The following CCDC92B variants were observed in gnomAD, a reference collection of about 807,000 sequenced individuals.
CCDC92B encodes the protein coiled-coil domain-containing 92B.
CCDC92B carries 2 observed loss-of-function variants against 5.6 expected under a neutral mutation model. The observed-to-expected ratio is 0.36, with a 90% CI of 0.15 to 1.12. The LOEUF (loss-of-function observed/expected upper bound fraction) is 1.12. CCDC92B is among the 50% of genes most tolerant of loss of function. The pLI, the probability that CCDC92B is intolerant of heterozygous loss-of-function variation, is 0.40. For missense variants in CCDC92B, 271 were observed against 262.2 expected (o/e 1.03, Z -0.23); for synonymous variants, 115 against 122.3 (o/e 0.94, Z 0.39).
intron 3 of CCDC92B, among the ~76,000 whole-genome samples, chr17:2,726,857 C>T (rs918721977): frequency 1.2e-4 from 18 of 152,054 alleles, no homozygotes; most frequent in African/African-American, 4.3e-4. Context: ...TTGTGATCCA[C>T]CCGCCTCGGA....
chr17:2,738,602 T>C (rs556070458), intron 1 of CCDC92B, among the ~76,000 whole-genome samples: 1 of 146,718 alleles, frequency 6.8e-6, no homozygotes, highest in African/African-American at 2.5e-5. Context: ...CTACTAAAAA[T>C]ATAAAAAATT....
chr17:2,731,197 C>T (rs2151739477), intron 2 of CCDC92B, among the ~76,000 whole-genome samples: 1 of 152,278 alleles, frequency 6.6e-6, no homozygotes, highest in South Asian at 2.1e-4. Flanking sequence ...CTCAAGGGCA[C>T]TGGTGCAGGA....
chr17:2,725,591 C>G (rs1257791470), intron 3 of CCDC92B, among the ~76,000 whole-genome samples: 2 of 151,658 alleles, frequency 1.3e-5, no homozygotes, highest in African/African-American at 2.4e-5. Context: ...ATTCATTCCA[C>G]AGAGAATTTG....
intron 2 of CCDC92B, among the ~76,000 whole-genome samples, chr17:2,732,164 A>T (rs904309663): frequency 2.6e-5 from 4 of 152,180 alleles, no homozygotes; most frequent in Non-Finnish European, 5.9e-5. Context: ...TCGCCACCCC[A>T]GAACGTACCC....
chr17:2,749,574 G>GCTCCGGGGGT lies in CCDC92B; in HGVS notation c.-188_-187insACCCCCGGAG, dbSNP rs1249074434. ...GAGGCTGCGGGGCAGTCGGGCCGGG[G>GCTCCGGGGGT]CTCCGGGGGGCTCGGGGGCGCCGAA... is the stretch of plus-strand genomic sequence containing the variant. On this transcript the variant is annotated 5_prime_UTR_variant, in exon 1 of 4. Transcript: ENST00000614400. The GCTCCGGGGGT allele has an allele frequency of 8.0e-5, 12 of 150,574 alleles. No homozygotes were observed. The highest frequency in any genetic ancestry group is 2.9e-4 in the African/African-American group (12 of 40,986). The allele number at this position is 150,574 out of a possible 1,614,324, so 9.3% of individuals were successfully genotyped here. A position where few individuals can be genotyped will look rare whatever the true frequency, so the allele number is the denominator to read the frequency against.
chr17:2,739,152 G>A (rs200223963), intron 1 of CCDC92B, among the ~76,000 whole-genome samples: 4 of 151,504 alleles, frequency 2.6e-5, no homozygotes, highest in Non-Finnish European at 4.4e-5. Context: ...CGGATCACGA[G>A]GTCAGGAGAT....
In CCDC92B at chr17:2,728,258, C is replaced by T. The variant is rs1200645682; in HGVS notation, c.178+2188G>A. Among the ~76,000 whole-genome samples the T allele has an allele frequency of 8.0e-5, 12 of 150,080 alleles. No homozygotes were observed. The East Asian group carries it at 1.8e-3, about 22-fold the overall frequency. ...GAACCCACCTAGGAGGCAGAGGTTGCAGTGAGCAGAGATGGTGCCATGGCA... is the reference window on the plus strand; with the variant it reads ...GAACCCACCTAGGAGGCAGAGGTTGTAGTGAGCAGAGATGGTGCCATGGCA... On this transcript the variant is annotated intron_variant, in intron 3 of 3. Coordinates refer to ENST00000614400, the MANE Select transcript of CCDC92B (RefSeq NM_001355573.2).
chr17:2,727,889 C>T (rs1231906047), intron 3 of CCDC92B, among the ~76,000 whole-genome samples: 1 of 151,884 alleles, frequency 6.6e-6, no homozygotes, highest in Non-Finnish European at 1.5e-5. Context: ...ACACTCATCC[C>T]AGTGACTCAG....
rs923691313 is a variant in CCDC92B at position 2,724,890 on chromosome 17, G to C, written c.289C>G (p.Leu97Val). ...AGGCTGCAGCGCAGCGCGGACACCAGCGCCTCGCGCTGCGCCACCTCCCGC... is the reference window on the plus strand; with the variant it reads ...AGGCTGCAGCGCAGCGCGGACACCACCGCCTCGCGCTGCGCCACCTCCCGC... ...LRREVAQREA[L>V]VSALRCSLRT... Residue 97 changes from leucine (L) to valine (V), a missense_variant, in exon 4 of 4, where the codon CTG becomes GTG. Leu to Val is a conservative substitution (Grantham distance 32). Coordinates refer to ENST00000614400, the MANE Select transcript of CCDC92B (RefSeq NM_001355573.2). The surrounding 1 kb of genome is among the most constrained non-coding windows in gnomAD (Gnocchi z 5.0). 1 of 985,090 alleles carries C rather than the reference G, an allele frequency of 1.0e-6. No homozygotes were observed. The highest frequency in any genetic ancestry group is 1.7e-5 in the African/African-American group (1 of 57,216). 61.0% of individuals were successfully genotyped at this position (985,090 alleles called of 1,614,324 possible).
chr17:2,725,780 C>T (rs6502485), intron 3 of CCDC92B, among the ~76,000 whole-genome samples: 150,378 of 151,850 alleles, frequency 0.99, 74,476 homozygotes, highest in East Asian at 1. Context: ...AATGTGACCT[C>T]ATCAGGGAAG....
chr17:2,730,638 T>TCCACACTATTTTACCGCAACC (rs1482138343), intron 2 of CCDC92B, 145 bp from the exon 3 acceptor site: 1 of 257,324 alleles, frequency 3.9e-6, no homozygotes, highest in Non-Finnish European at 6.0e-6. Flanking sequence ...AGAAGCCACC[T>TCCACACTATTTTACCGCAACC]CCACACTATT....
chr17:2,738,545 G>A (rs1166807643), intron 1 of CCDC92B, among the ~76,000 whole-genome samples: 1 of 151,880 alleles, frequency 6.6e-6, no homozygotes, highest in Non-Finnish European at 1.5e-5. Flanking sequence ...GGCCGAGGCG[G>A]GCGGATCACG....
At chr17:2,733,124 G>A (rs1017132446) in intron 2 of CCDC92B, among the ~76,000 whole-genome samples, 7 of 151,516 alleles carry the variant, frequency 4.6e-5, no homozygotes, top group Non-Finnish European at 1.0e-4. Flanking sequence ...TGGCGTGGGT[G>A]AGGGCGCTCT....
At chr17:2,747,203 T>C (rs2070997145) in intron 1 of CCDC92B, among the ~76,000 whole-genome samples, 2 of 152,216 alleles carry the variant, frequency 1.3e-5, no homozygotes, top group Non-Finnish European at 1.5e-5. Context: ...GCGGGTTCTC[T>C]TGTCCCAGTT....
intron 3 of CCDC92B, among the ~76,000 whole-genome samples, chr17:2,726,473 C>G (rs536517425): frequency 6.6e-6 from 1 of 152,124 alleles, no homozygotes; most frequent in Admixed American, 6.6e-5. Flanking sequence ...TGAGCCACCG[C>G]GCCCGGCTAA....
chr17:2,727,837 A>AG (rs1555534884), intron 3 of CCDC92B, among the ~76,000 whole-genome samples: 1 of 150,858 alleles, frequency 6.6e-6, no homozygotes, highest in African/African-American at 2.4e-5. Context: ...AAAAAAAAAA[A>AG]CGAAAGAGGA....
intron 3 of CCDC92B, among the ~76,000 whole-genome samples, chr17:2,728,574 G>T (rs7218508): frequency 6.6e-6 from 1 of 150,798 alleles, no homozygotes; most frequent in Non-Finnish European, 1.5e-5. Context: ...CTGCACTCCA[G>T]CCTGGGCGAC....
intron 3 of CCDC92B, among the ~76,000 whole-genome samples, 195 bp from the exon 4 acceptor site, chr17:2,725,195 G>GA (rs1348895430): frequency 2.6e-5 from 4 of 152,014 alleles, no homozygotes; most frequent in Admixed American, 6.6e-5. Context: ...CCAACATGGT[G>GA]AAACCCAGTC....
rs556954522 is a variant in CCDC92B, at chr17:2,748,281, G to A, written c.-24+1130C>T. On this transcript the variant is annotated intron_variant, in intron 1 of 3. Coordinates refer to ENST00000614400, the MANE Select transcript of CCDC92B (RefSeq NM_001355573.2). ...TCTTGAAGCCTGACCCATCCTTCAG[G>A]GCCTTGCTCTGATGTGACTTTTACC... 1.1e-5 allele frequency: 12 copies of A among 1,060,298 alleles called. No homozygotes were observed. In the African/African-American group the frequency reaches 1.5e-4, roughly 13 times the overall value. 65.7% of individuals were successfully genotyped at this position (1,060,298 alleles called of 1,614,324 possible).
Sources: allele counts gnomAD v4.1 joint callset (sites outside exome capture counted in the v4.1 genomes callset), GRCh38; gene constraint gnomAD v4.1.1; non-coding constraint Gnocchi (gnomAD v3.1); transcripts MANE v1.5; gene names NCBI Gene and HGNC (gene_info 2026-07-23, HGNC 2026-07-21).